RSF1: variants seen among roughly 807,000 people sequenced by gnomAD.
The protein encoded by RSF1 is remodeling and spacing factor 1.
Under a neutral mutation model 145.2 loss-of-function variants are expected in RSF1, and 13 were observed. The observed-to-expected ratio is 0.09, with a 90% CI of 0.06 to 0.14. The LOEUF is 0.14. Among genes scored for constraint, RSF1 ranks in the 10% least tolerant of loss-of-function variants. RSF1 has a pLI of 1.00. For synonymous variants in RSF1, 577 were observed against 592.6 expected (o/e 0.97, Z 0.38); for missense variants, 1,517 against 1,718.2 (o/e 0.88, Z 2.07).
chr11:77,861,469 A>G, the RSF1 span, among the ~76,000 whole-genome samples: 44 of 152,318 alleles, frequency 2.9e-4, no homozygotes, highest in African/African-American at 1.0e-3. Context: ...TCAATGGTCA[A>G]GTATACCCGG....
intron 1 of RSF1, among the ~76,000 whole-genome samples, chr11:77,816,428 T>G (rs996780373): frequency 2.0e-5 from 3 of 152,204 alleles, no homozygotes; most frequent in Non-Finnish European, 1.5e-5. Flanking sequence ...AAAAAGGCAT[T>G]TTTTTAACTT....
At chr11:77,801,218 A>G (rs1948623345) in intron 1 of RSF1, among the ~76,000 whole-genome samples, 1 of 152,032 alleles carries the variant, frequency 6.6e-6, no homozygotes, top group Non-Finnish European at 1.5e-5. Context: ...ACCTGAGGTC[A>G]GGAGTTTTGA....
chr11:77,780,385 G>A (rs1017552490), intron 1 of RSF1, among the ~76,000 whole-genome samples: 4 of 152,198 alleles, frequency 2.6e-5, no homozygotes, highest in Admixed American at 6.5e-5. Flanking sequence ...TTCAGGATGT[G>A]CAATCAACCA....
At chr11:77,675,506 G>A (rs1333551875) in intron 13 of RSF1, among the ~76,000 whole-genome samples, 1 of 152,158 alleles carries the variant, frequency 6.6e-6, no homozygotes, top group Non-Finnish European at 1.5e-5. Context: ...TGTCCCCCAT[G>A]TTAAATTCGA....
At chr11:77,784,450 A>G (rs1299855054) in intron 1 of RSF1, among the ~76,000 whole-genome samples, 1 of 151,766 alleles carries the variant, frequency 6.6e-6, no homozygotes, top group Non-Finnish European at 1.5e-5. Context: ...TAGATCTAGT[A>G]TCTCCATCAT....
intron 1 of RSF1, among the ~76,000 whole-genome samples, chr11:77,810,237 G>A (rs1456736944): frequency 6.6e-6 from 1 of 152,140 alleles, no homozygotes; most frequent in Non-Finnish European, 1.5e-5. Context: ...AAGACTTTGA[G>A]GCCAGTATAG....
At chr11:77,832,951 ATGTGTGTGTG>A in the RSF1 span, among the ~76,000 whole-genome samples, 4,326 of 68,240 alleles carry the variant, frequency 0.063, 514 homozygotes, top group African/African-American at 0.18. Flanking sequence ...GTATATATAT[ATGTGTGTGTG>A]TGTGTGTGTG....
At chr11:77,674,898 C>A (rs1345007216) in intron 14 of RSF1, 138 bp downstream of exon 14, 2 of 616,316 alleles carry the variant, frequency 3.2e-6, no homozygotes, top group Non-Finnish European at 5.4e-6. Context: ...ACTTGGGAGG[C>A]TGAGGTAGGA....
chr11:77,747,141 G>T lies in RSF1; in HGVS notation c.280-13C>A. ...ACTCTTGGCATATCTGTCAGATAAAGTTAATATCTTAATACATGAAAGCAA... is the reference window on the plus strand; with the variant it reads ...ACTCTTGGCATATCTGTCAGATAAATTTAATATCTTAATACATGAAAGCAA... On this transcript the variant is annotated splice_polypyrimidine_tract_variant and intron_variant, in intron 2 of 15. Coordinates refer to ENST00000308488, the MANE Select transcript of RSF1 (RefSeq NM_016578.4). The T allele has an allele frequency of 1.3e-6, 2 of 1,558,230 alleles. No individual in the cohort carries two copies. Among genetic ancestry groups the T allele is most frequent in the Non-Finnish European group, 1.8e-6 (2 of 1,131,448 alleles).
At chr11:77,755,520 T>C (rs934036600) in intron 2 of RSF1, among the ~76,000 whole-genome samples, 3 of 152,192 alleles carry the variant, frequency 2.0e-5, no homozygotes, top group African/African-American at 4.8e-5. Context: ...CTGAAAGTCA[T>C]TCAGAGATCT....
chr11:77,804,204 T>A (rs1291106814), intron 1 of RSF1, among the ~76,000 whole-genome samples: 1 of 152,238 alleles, frequency 6.6e-6, no homozygotes, highest in Non-Finnish European at 1.5e-5. Flanking sequence ...TTCCAGACCT[T>A]GCCCTATGGG....
chr11:77,734,886 C>G (rs1345000025), intron 4 of RSF1: 1 of 1,581,224 alleles, frequency 6.3e-7, no homozygotes, highest in Non-Finnish European at 8.6e-7. Flanking sequence ...TCTTCAAAGC[C>G]ACATCATCAC....
the RSF1 span, among the ~76,000 whole-genome samples, chr11:77,826,648 C>A: frequency 6.6e-6 from 1 of 152,180 alleles, no homozygotes; most frequent in Admixed American, 6.5e-5. Context: ...TCTCCAACAA[C>A]ACCCAGCAAC....
rs955654141 is a variant in RSF1 at position 77,664,611 on chromosome 11, G to C, written c.*2306C>G. ...CCAGAGGTAGAGACAGGGCACATGG[G>C]AGAGTTTCCACACAATAGTGGCTTT... On this transcript the variant is annotated 3_prime_UTR_variant, in exon 16 of 16. Transcript: ENST00000308488. 6.6e-6 allele frequency: 1 copy of C among 152,234 alleles called. No homozygotes were observed. Among genetic ancestry groups the C allele is most frequent in the Admixed American group, 6.5e-5 (1 of 15,274 alleles). The allele number at this position is 152,234 out of a possible 1,614,324, so 9.4% of individuals were successfully genotyped here.
At chr11:77,756,280 C>T (rs969761601) in intron 2 of RSF1, among the ~76,000 whole-genome samples, 2 of 151,344 alleles carry the variant, frequency 1.3e-5, no homozygotes, top group African/African-American at 4.9e-5. Flanking sequence ...GTCCCTTGAA[C>T]CCAGGAGGCA....
intron 1 of RSF1, among the ~76,000 whole-genome samples, chr11:77,812,599 G>C (rs958472140): frequency 6.6e-6 from 1 of 151,896 alleles, no homozygotes; most frequent in African/African-American, 2.4e-5. Flanking sequence ...CTTAAAATCA[G>C]TTTGGGCTGG....
intron 1 of RSF1, among the ~76,000 whole-genome samples, chr11:77,767,275 C>A (rs891151335): frequency 2.0e-5 from 3 of 152,142 alleles, no homozygotes; most frequent in Non-Finnish European, 4.4e-5. Flanking sequence ...CTTCCCACAT[C>A]TTAAACCTGC....
At chr11:77,720,072 T>C (rs1372545042) in intron 5 of RSF1, among the ~76,000 whole-genome samples, 1 of 152,240 alleles carries the variant, frequency 6.6e-6, no homozygotes, top group Non-Finnish European at 1.5e-5. Flanking sequence ...TGCACAATGC[T>C]GTGAATATAC....
chr11:77,737,619 GGGGT>G (rs572660632), intron 4 of RSF1, among the ~76,000 whole-genome samples: 24,776 of 101,454 alleles, frequency 0.24, 1,996 homozygotes, highest in East Asian at 0.29. Flanking sequence ...TGTGTTTTGG[GGGGT>G]GTGTGTGTGT....
Sources: gnomAD v4.1 joint callset for allele counts (sites outside exome capture counted in the v4.1 genomes callset) on GRCh38, gnomAD v4.1.1 for gene constraint, MANE v1.5 for transcripts, NCBI Gene and HGNC (gene_info 2026-07-23, HGNC 2026-07-21) for gene names.